The following DYNC2LI1 variants were observed in gnomAD, a reference collection of about 807,000 sequenced individuals.
The protein encoded by DYNC2LI1 is dynein cytoplasmic 2 light intermediate chain 1.
DYNC2LI1 carries 45 observed loss-of-function variants against 51.9 expected under a neutral mutation model. The ratio of observed to expected loss-of-function variants is 0.87; its 90% confidence interval spans 0.68 to 1.11. The LOEUF is 1.11. DYNC2LI1 is among the 50% of genes most tolerant of loss of function. DYNC2LI1 has a pLI of 0.00. For missense variants in DYNC2LI1, 490 were observed against 417.4 expected, an observed-to-expected ratio of 1.17 and a Z score of -1.51; for synonymous variants, 130 against 137.8, an observed-to-expected ratio of 0.94 and a Z score of 0.40.
Position 43,794,477 on chromosome 2 carries a change from T to C in DYNC2LI1, c.341T>C (p.Val114Ala). ...DTLRTFSLVL[V>A]LDLSKPNDLW... ...TTTAGGACGTTTTCTCTTGTTCTCG[T>C]TCTGGATCTTTCAAAACCTAATGAT... The change falls in exon 6 of 13, where the codon GTT becomes GCT. Residue 114 changes from valine to alanine, a missense_variant. Transcript: ENST00000260605. The C allele has an allele frequency of 6.2e-7, 1 of 1,613,190 alleles. No homozygotes were observed. Among genetic ancestry groups the C allele is most frequent in the South Asian group, 1.1e-5 (1 of 91,012 alleles).
chr2:43,796,588 G>C, intron 7 of DYNC2LI1, 130 bp from the exon 8 acceptor site: 1 of 653,520 alleles, frequency 1.5e-6, no homozygotes, highest in Non-Finnish European at 2.6e-6. Flanking sequence ...AAATATCAAG[G>C]TAATGGAATC....
the DYNC2LI1 span, chr2:43,824,472 A>G: frequency 5.6e-6 from 9 of 1,608,594 alleles, no homozygotes; most frequent in South Asian, 5.5e-5. Flanking sequence ...ATGTGTTTTT[A>G]AATGCATGTA....
At chr2:43,780,582 G>C (rs868065765) in intron 2 of DYNC2LI1, among the ~76,000 whole-genome samples, 18 of 152,266 alleles carry the variant, frequency 1.2e-4, no homozygotes, top group Middle Eastern at 3.4e-3. Flanking sequence ...CAGAGGAAGG[G>C]GTTCAGGGTA....
In DYNC2LI1 at chr2:43,809,993, T is replaced by C. The variant is rs949206369; in HGVS notation, c.*226T>C. The C allele has an allele frequency of 2.0e-4, 243 of 1,192,794 alleles. No homozygotes were observed. The highest frequency in any genetic ancestry group is 2.2e-4 in the Non-Finnish European group (201 of 932,194). The allele number at this position is 1,192,794 out of a possible 1,614,324, so 73.9% of individuals were successfully genotyped here. Reference sequence around the variant, plus strand: ...AATTTTTTTTAAAATAAAAGAATCTTCTACTACCTACCTCTAACATGTTTA... The same window carrying C: ...AATTTTTTTTAAAATAAAAGAATCTCCTACTACCTACCTCTAACATGTTTA... On this transcript the variant is annotated 3_prime_UTR_variant, in exon 13 of 13. Transcript: ENST00000260605.
chr2:43,820,165 T>C, the DYNC2LI1 span: 1 of 1,536,914 alleles, frequency 6.5e-7, no homozygotes, highest in Non-Finnish European at 8.8e-7. Context: ...ATACTGCACT[T>C]GCCTCTGTGA....
At chr2:43,775,692 C>CTTTTT in intron 1 of DYNC2LI1, 4 of 326,006 alleles carry the variant, frequency 1.2e-5, no homozygotes, top group South Asian at 4.6e-5. Flanking sequence ...TTTTTATTTT[C>CTTTTT]TTTTTTTTTT....
intron 3 of DYNC2LI1, among the ~76,000 whole-genome samples, chr2:43,786,084 C>T (rs1673508639): frequency 6.6e-6 from 1 of 152,150 alleles, no homozygotes; most frequent in East Asian, 1.9e-4. Context: ...CTAATCATTA[C>T]TGATTTTAAG....
chr2:43,799,983 A>G (rs1368217162), intron 8 of DYNC2LI1, among the ~76,000 whole-genome samples: 2 of 152,204 alleles, frequency 1.3e-5, no homozygotes, highest in East Asian at 1.9e-4. Flanking sequence ...TTAATCCAGA[A>G]TGAGGCTTAT....
chr2:43,815,931 C>G, the DYNC2LI1 span, among the ~76,000 whole-genome samples: 2 of 138,114 alleles, frequency 1.4e-5, no homozygotes, highest in Admixed American at 1.4e-4. Context: ...AAAAAAAGGA[C>G]CAGACTACAA....
At chr2:43,827,907 G>C in the DYNC2LI1 span, 1 of 1,598,632 alleles carries the variant, frequency 6.3e-7, no homozygotes, top group Non-Finnish European at 8.5e-7. Flanking sequence ...GGACCGTGAA[G>C]AAAGGGCCCA....
In DYNC2LI1 at chr2:43,774,131, C is replaced by A. The variant is rs371545954; in HGVS notation, c.-8C>A. On this transcript the variant is annotated 5_prime_UTR_variant, in exon 1 of 13. Coordinates refer to ENST00000260605, the MANE Select transcript of DYNC2LI1 (RefSeq NM_016008.4). The stretch of plus-strand genomic sequence containing the variant: ...CCTGTGACGTTTGCGGCAGCCAGGC[C>A]GTCGACGATGCCCAGGTATTCCCTG... 6 of 1,613,814 alleles carry A rather than the reference C, an allele frequency of 3.7e-6. No individual in the cohort carries two copies. In the African/African-American group the frequency reaches 4.0e-5, roughly 11 times the overall value.
chr2:43,789,521 A>T, intron 4 of DYNC2LI1, 112 bp from the exon 5 acceptor site: 2 of 862,806 alleles, frequency 2.3e-6, no homozygotes, highest in Non-Finnish European at 3.5e-6. Flanking sequence ...GACTGCCAAG[A>T]AAGGGTTGAT....
chr2:43,774,086 AGGCTGGT>A lies in DYNC2LI1; in HGVS notation c.-52_-46del. 6.2e-7 allele frequency: 1 copy of A among 1,611,698 alleles called. No homozygotes were observed. Among genetic ancestry groups the A allele is most frequent in the Non-Finnish European group, 8.5e-7 (1 of 1,178,992 alleles). On this transcript the variant is annotated 5_prime_UTR_variant, in exon 1 of 13. Coordinates refer to ENST00000260605, the MANE Select transcript of DYNC2LI1 (RefSeq NM_016008.4). ...CTTGCGGAGCTCGCCGCCTGATTCT[AGGCTGGT>A]CACTACTCCGAGCCTGTGACGTTTG...
chr2:43,809,671 A>T (rs962203977), intron 12 of DYNC2LI1, 34 bp from the exon 13 acceptor site: 1 of 1,538,302 alleles, frequency 6.5e-7, no homozygotes, highest in Non-Finnish European at 8.9e-7. Context: ...AGTAAAGTTG[A>T]TTTTTCTTAA....
downstream of DYNC2LI1, chr2:43,812,832 G>C (rs909570960): frequency 8.2e-6 from 3 of 365,410 alleles, no homozygotes; most frequent in South Asian, 7.9e-5. Context: ...ATAGTCACAC[G>C]AGTCTCCCAT....
At chr2:43,805,905 C>A (rs76898175) in intron 12 of DYNC2LI1, among the ~76,000 whole-genome samples, 29,340 of 149,348 alleles carry the variant, frequency 0.2, 3,232 homozygotes, top group African/African-American at 0.29. Context: ...TTTTTTAAGA[C>A]GAGTCTCACA....
In DYNC2LI1 at chr2:43,776,774, T is replaced by G. The variant is rs1313890701; in HGVS notation, c.9-8T>G. On this transcript the variant is annotated splice_region_variant and splice_polypyrimidine_tract_variant and intron_variant, in intron 1 of 12. Transcript: ENST00000260605. ...CCCTCAATTTTGTTTTTTCTGCCTC[T>G]CATGTAGTGAAACTCTCTGGGAAAT... 1.3e-6 allele frequency: 2 copies of G among 1,484,870 alleles called. No individual in the cohort carries two copies. The highest frequency in any genetic ancestry group is 1.8e-6 in the Non-Finnish European group (2 of 1,085,190). 92.0% of individuals were successfully genotyped at this position (1,484,870 alleles called of 1,614,324 possible). A position where few individuals can be genotyped will look rare whatever the true frequency, so the allele number is the denominator to read the frequency against.
In DYNC2LI1 at chr2:43,809,740, T is replaced by C. The variant is rs1666414608; in HGVS notation, c.1029T>C (p.Ser343=). 6.2e-7 allele frequency: 1 copy of C among 1,612,142 alleles called. No individual in the cohort carries two copies. The highest frequency in any genetic ancestry group is 1.3e-5 in the African/African-American group (1 of 74,848). The change falls in exon 13 of 13, where the codon TCT becomes TCC. Residue 343 remains serine, a synonymous_variant. Coordinates refer to ENST00000260605, the MANE Select transcript of DYNC2LI1 (RefSeq NM_016008.4). ...LEQYKRSSSK[S]WKQIELDS ...AGTACAAAAGAAGTTCTTCCAAGTC[T>C]TGGAAACAAATCGAGCTTGATTCTT... is the stretch of plus-strand genomic sequence containing the variant.
At chr2:43,783,481 G>C in intron 2 of DYNC2LI1, 39 bp from the exon 3 acceptor site, 1 of 1,440,638 alleles carries the variant, frequency 6.9e-7, no homozygotes, top group South Asian at 1.3e-5. Context: ...TTACATATGA[G>C]TGACATTAAC....
Sources: allele counts gnomAD v4.1 joint callset (sites outside exome capture counted in the v4.1 genomes callset), GRCh38; gene constraint gnomAD v4.1.1; transcripts MANE v1.5; gene names NCBI Gene and HGNC (gene_info 2026-07-23, HGNC 2026-07-21).